TMEM8B: variants seen among roughly 807,000 people sequenced by gnomAD.
The protein encoded by TMEM8B is nasopharyngeal carcinoma expressed 6.
A neutral mutation model predicts 49.3 loss-of-function variants in TMEM8B; 29 were observed. The ratio of observed to expected loss-of-function variants is 0.59; its 90% confidence interval spans 0.44 to 0.80. The LOEUF (loss-of-function observed/expected upper bound fraction) is 0.80, where lower values mean the gene tolerates loss of function less well. Ranked by LOEUF, TMEM8B falls within the 30% of genes least tolerant of loss-of-function variation. TMEM8B has a pLI of 0.00. For synonymous variants in TMEM8B, 264 were observed against 272.8 expected (o/e 0.97, Z 0.32); for missense variants, 575 against 658.5 (o/e 0.87, Z 1.39).
intron 10 of TMEM8B, among the ~76,000 whole-genome samples, chr9:35,850,197 G>C (rs1179298915): frequency 1.3e-5 from 2 of 152,154 alleles, no homozygotes; most frequent in African/African-American, 4.8e-5. Flanking sequence ...TGCAGTGCCT[G>C]GATAGCCCAT....
In TMEM8B at chr9:35,865,337, G is replaced by C. The variant is rs1216433399; in HGVS notation, c.*11497G>C. On this transcript the variant is annotated 3_prime_UTR_variant, in exon 13 of 13. Transcript: ENST00000643932. ...GGTGGGAGACACCGAGTACAGGCGA[G>C]GGACTTTATTAGGTCAGGGATTTAA... 6.6e-6 allele frequency: 1 copy of C among 152,178 alleles called. No individual in the cohort carries two copies. The highest frequency in any genetic ancestry group is 2.4e-5 in the African/African-American group (1 of 41,438). 9.4% of individuals were successfully genotyped at this position (152,178 alleles called of 1,614,324 possible). A position where few individuals can be genotyped will look rare whatever the true frequency, so the allele number is the denominator to read the frequency against.
Position 35,859,940 on chromosome 9 carries a change from A to G in TMEM8B, c.*6100A>G, listed in dbSNP as rs777447316. ...GTTACAGTGCTCGTGTAGCCCCATC[A>G]GGACGTATTCCGTCACAGCTGTCTG... On this transcript the variant is annotated 3_prime_UTR_variant, in exon 13 of 13. Transcript: ENST00000643932. The G allele has an allele frequency of 2.0e-5, 3 of 152,868 alleles. No homozygotes were observed. The highest frequency in any genetic ancestry group is 7.2e-5 in the African/African-American group (3 of 41,464). The allele number at this position is 152,868 out of a possible 1,614,324, so 9.5% of individuals were successfully genotyped here.
chr9:35,853,715 G>A lies in TMEM8B; in HGVS notation c.2650G>A (p.Asp884Asn), dbSNP rs1832369675. 6 of 1,614,114 alleles carry A rather than the reference G, an allele frequency of 3.7e-6. No homozygotes were observed. Among genetic ancestry groups the A allele is most frequent in the African/African-American group, 1.3e-5 (1 of 75,048 alleles). ...CCTGCTGCCCCCTCGTGCCAAGACTGACCACGGGGTCCCATCTGGAGCCCG... is the reference window on the plus strand; with the variant it reads ...CCTGCTGCCCCCTCGTGCCAAGACTAACCACGGGGTCCCATCTGGAGCCCG... ...GFLLPPRAKT[D>N]HGVPSGARAR... is the part of the protein sequence containing the mutation. Residue 884 changes from aspartate (D) to asparagine (N), a missense_variant, in exon 13 of 13, where the codon GAC becomes AAC. Physicochemically the swap from Asp to Asn is conservative, Grantham distance 23. Coordinates refer to ENST00000643932, the MANE Select transcript of TMEM8B (RefSeq NM_001042590.4). The surrounding 1 kb of genome is among the most constrained non-coding windows in gnomAD (Gnocchi z 4.2).
At chr9:35,844,707 C>T (rs1430969455) in intron 6 of TMEM8B, among the ~76,000 whole-genome samples, 1 of 152,248 alleles carries the variant, frequency 6.6e-6, no homozygotes, top group African/African-American at 2.4e-5. Context: ...AGAGGACAGC[C>T]TTACGCATAC....
rs369105302 is a variant in TMEM8B at position 35,842,405 on chromosome 9, C to T, written c.1323C>T (p.Pro441=). The change falls in exon 6 of 13, where the codon CCC becomes CCT. Residue 441 remains proline, a synonymous_variant. Transcript: ENST00000643932. The surrounding 1 kb of genome is among the most constrained non-coding windows in gnomAD (Gnocchi z 5.6). ...TCTGCCCCACAGAGTGCCCACAGCC[C>T]GGCCTGCTCCGAGCCCTGGTCCCTG... The part of the protein sequence containing the change: ...LCVRLQECPQ[P]GLLRALVPGA... The T allele has an allele frequency of 3.2e-4, 486 of 1,527,308 alleles. 1 individual carries two copies. In the African/African-American group the frequency reaches 5.8e-3, roughly 18 times the overall value. The allele number at this position is 1,527,308 out of a possible 1,614,324, so 94.6% of individuals were successfully genotyped here.
rs1347876619 is a variant in TMEM8B, at chr9:35,863,081, G to A, written c.*9241G>A. On this transcript the variant is annotated 3_prime_UTR_variant, in exon 13 of 13. Coordinates refer to ENST00000643932, the MANE Select transcript of TMEM8B (RefSeq NM_001042590.4). ...AGGTGGGAGGAGTACTTGAGCCCAG[G>A]AGTTCGAGGTTACAGTGAACTATGA... The A allele has an allele frequency of 6.6e-6, 1 of 152,306 alleles. No homozygotes were observed. Among genetic ancestry groups the A allele is most frequent in the Non-Finnish European group, 1.5e-5 (1 of 68,136 alleles). 9.4% of individuals were successfully genotyped at this position (152,306 alleles called of 1,614,324 possible).
rs1830930282 is a variant in TMEM8B, at chr9:35,841,006, G to T, written c.907-128G>T. 1 of 410,012 alleles carries T rather than the reference G, an allele frequency of 2.4e-6. No individual in the cohort carries two copies. The highest frequency in any genetic ancestry group is 4.4e-6 in the Non-Finnish European group (1 of 225,824). 25.4% of individuals were successfully genotyped at this position (410,012 alleles called of 1,614,324 possible). ...GGACCTGGAATTTAGAGAGACCTGG[G>T]TTAGAGGCCTGGGAGTGGTGGCCGG... On this transcript the variant is annotated intron_variant, in intron 3 of 12. Transcript: ENST00000643932. This position sits in a 1 kb window ranked among gnomAD's most constrained non-coding sequence, Gnocchi z 5.9.
At position 35,853,704 on chromosome 9, in the gene TMEM8B, G is replaced by A. The variant is rs1026079375; in HGVS notation, c.2639G>A (p.Arg880His). The change falls in exon 13 of 13, where the codon CGT (arginine) becomes CAT (histidine). Residue 880 changes from arginine (R) to histidine (H), a missense_variant. Coordinates refer to ENST00000643932, the MANE Select transcript of TMEM8B (RefSeq NM_001042590.4). The surrounding 1 kb of genome is among the most constrained non-coding windows in gnomAD (Gnocchi z 4.2). ...AGTGTGGGCTTCCTGCTGCCCCCTC[G>A]TGCCAAGACTGACCACGGGGTCCCA... is the stretch of plus-strand genomic sequence containing the variant. ...AGSVGFLLPP[R>H]AKTDHGVPSG... 17 of 1,614,094 alleles carry A rather than the reference G, an allele frequency of 1.1e-5. No individual in the cohort carries two copies. Among genetic ancestry groups the A allele is most frequent in the South Asian group, 5.5e-5 (5 of 91,084 alleles).
rs577531493 is a variant in TMEM8B at position 35,855,000 on chromosome 9, G to A, written c.*1160G>A. The A allele has an allele frequency of 9.2e-5, 14 of 152,126 alleles. No homozygotes were observed. Among genetic ancestry groups the A allele is most frequent in the South Asian group, 2.1e-4 (1 of 4,822 alleles). 9.4% of individuals were successfully genotyped at this position (152,126 alleles called of 1,614,324 possible). A position where few individuals can be genotyped will look rare whatever the true frequency, so the allele number is the denominator to read the frequency against. Reference sequence around the variant, plus strand: ...CAGTGTCCATACTTCATCCATCCCCGGGATTTCCATCATTCCATCTGGTCC... The same window carrying A: ...CAGTGTCCATACTTCATCCATCCCCAGGATTTCCATCATTCCATCTGGTCC... On this transcript the variant is annotated 3_prime_UTR_variant, in exon 13 of 13. Coordinates refer to ENST00000643932, the MANE Select transcript of TMEM8B (RefSeq NM_001042590.4).
Position 35,863,820 on chromosome 9 carries a change from G to C in TMEM8B, c.*9980G>C, listed in dbSNP as rs1832689117. 6.6e-6 allele frequency: 1 copy of C among 152,314 alleles called. No homozygotes were observed. Among genetic ancestry groups the C allele is most frequent in the African/African-American group, 2.4e-5 (1 of 41,460 alleles). The allele number at this position is 152,314 out of a possible 1,614,324, so 9.4% of individuals were successfully genotyped here. On this transcript the variant is annotated 3_prime_UTR_variant, in exon 13 of 13. Transcript: ENST00000643932. The stretch of plus-strand genomic sequence containing the variant: ...CTGGCCCTGCGGCATCCTACCACCT[G>C]CCCAGAAGGAGGAGAACCAGAATTA...
chr9:35,838,999 C>T (rs1830709474), intron 3 of TMEM8B, among the ~76,000 whole-genome samples: 1 of 152,224 alleles, frequency 6.6e-6, no homozygotes, highest in Non-Finnish European at 1.5e-5. Flanking sequence ...TCACCCTTGC[C>T]CCCTGAAATC....
At chr9:35,849,503 A>C (rs1261751329) in intron 10 of TMEM8B, among the ~76,000 whole-genome samples, 2 of 152,230 alleles carry the variant, frequency 1.3e-5, no homozygotes, top group Non-Finnish European at 2.9e-5. Context: ...TAGTTGATAC[A>C]TGCTTTTATT....
rs1370327081 is a variant in TMEM8B at position 35,857,816 on chromosome 9, A to C, written c.*3976A>C. On this transcript the variant is annotated 3_prime_UTR_variant, in exon 13 of 13. Coordinates refer to ENST00000643932, the MANE Select transcript of TMEM8B (RefSeq NM_001042590.4). ...GCTGTTACAGCTCAGCTGGGCCAGC[A>C]GTTAGGAAAGAAGGCTGAGTGTGAA... The C allele has an allele frequency of 3.3e-5, 5 of 152,238 alleles. No individual in the cohort carries two copies. The highest frequency in any genetic ancestry group is 1.2e-4 in the African/African-American group (5 of 41,456). The allele number at this position is 152,238 out of a possible 1,614,324, so 9.4% of individuals were successfully genotyped here.
At chr9:35,833,549 T>C (rs185260866) in intron 1 of TMEM8B, among the ~76,000 whole-genome samples, 40 of 152,346 alleles carry the variant, frequency 2.6e-4, no homozygotes, top group Admixed American at 2.5e-3. Context: ...CTGACAATCA[T>C]GATCAGGTAT....
chr9:35,835,951 A>G (rs1830407255), intron 3 of TMEM8B, among the ~76,000 whole-genome samples: 1 of 152,218 alleles, frequency 6.6e-6, no homozygotes, highest in Non-Finnish European at 1.5e-5. Flanking sequence ...CAGGTCTCCT[A>G]TTCCTGTTCA....
rs1564050370 is a variant in TMEM8B, at chr9:35,853,977, C to A, written c.*137C>A. On this transcript the variant is annotated 3_prime_UTR_variant, in exon 13 of 13. Coordinates refer to ENST00000643932, the MANE Select transcript of TMEM8B (RefSeq NM_001042590.4). This position sits in a 1 kb window ranked among gnomAD's most constrained non-coding sequence, Gnocchi z 4.2. The stretch of plus-strand genomic sequence containing the variant: ...CTTTCTCAAGGACACAAAACTCTTC[C>A]AGGGACCTGGAGCCCTTCCCAGGAC... The A allele has an allele frequency of 1.5e-6, 2 of 1,374,012 alleles. No individual in the cohort carries two copies. The highest frequency in any genetic ancestry group is 1.9e-6 in the Non-Finnish European group (2 of 1,068,372). The allele number at this position is 1,374,012 out of a possible 1,614,324, so 85.1% of individuals were successfully genotyped here.
chr9:35,832,579 G>T (rs1380429035), intron 1 of TMEM8B, among the ~76,000 whole-genome samples: 1 of 152,140 alleles, frequency 6.6e-6, no homozygotes, highest in Non-Finnish European at 1.5e-5. Context: ...CTTTGTGCTT[G>T]TCTGTCCATG....
chr9:35,854,149 G>A lies in TMEM8B; in HGVS notation c.*309G>A. The A allele has an allele frequency of 7.2e-6, 4 of 559,424 alleles. No homozygotes were observed. The highest frequency in any genetic ancestry group is 1.0e-5 in the Non-Finnish European group (4 of 396,640). 34.7% of individuals were successfully genotyped at this position (559,424 alleles called of 1,614,324 possible). On this transcript the variant is annotated 3_prime_UTR_variant, in exon 13 of 13. Transcript: ENST00000643932. Reference sequence around the variant, plus strand: ...TTCCTGGGATGCAGAGCCTTCCCAAGACATGGATTCCTTCCCAGGGAGACA... The same window carrying A: ...TTCCTGGGATGCAGAGCCTTCCCAAAACATGGATTCCTTCCCAGGGAGACA...
rs1832682092 is a variant in TMEM8B, at chr9:35,863,383, T to C, written c.*9543T>C. On this transcript the variant is annotated 3_prime_UTR_variant, in exon 13 of 13. Coordinates refer to ENST00000643932, the MANE Select transcript of TMEM8B (RefSeq NM_001042590.4). ...AACTTAAAAGTCTGATCGTAACACA[T>C]TCATGGAAACTAGAACCAGCACACG... 1 of 152,134 alleles carries C rather than the reference T, an allele frequency of 6.6e-6. No individual in the cohort carries two copies. Among genetic ancestry groups the C allele is most frequent in the African/African-American group, 2.4e-5 (1 of 41,414 alleles). The allele number at this position is 152,134 out of a possible 1,614,324, so 9.4% of individuals were successfully genotyped here.
Sources: allele counts gnomAD v4.1 joint callset (sites outside exome capture counted in the v4.1 genomes callset), GRCh38; gene constraint gnomAD v4.1.1; non-coding constraint Gnocchi (gnomAD v3.1); transcripts MANE v1.5; gene names NCBI Gene and HGNC (gene_info 2026-07-23, HGNC 2026-07-21).